Variants in COL4A5 observed in about 807,000 individuals in gnomAD.
COL4A5 encodes the protein collagen type IV alpha 5 chain.
COL4A5 carries 26 observed loss-of-function variants against 130.2 expected under a neutral mutation model. The observed-to-expected ratio is 0.20, with a 90% CI of 0.15 to 0.28. The LOEUF (loss-of-function observed/expected upper bound fraction) is 0.28. Ranked by LOEUF, COL4A5 falls within the 10% of genes least tolerant of loss-of-function variation. COL4A5 has a pLI of 1.00. For synonymous variants in COL4A5, 496 were observed against 439.6 expected (o/e 1.13, Z -1.60); for missense variants, 1,131 against 1,344.3 (o/e 0.84, Z 2.48).
chrX:108,607,173 C>G (rs1460204986), intron 29 of COL4A5, among the ~76,000 whole-genome samples: 1 of 109,829 alleles, frequency 9.1e-6, no homozygotes, highest in Admixed American at 9.7e-5. Context: ...TCAAGACCAT[C>G]CTGGCCAACA....
chrX:108,694,642 A>G, intron 50 of COL4A5, 165 bp from the exon 51 acceptor site: 1 of 492,972 alleles, frequency 2.0e-6, no homozygotes, highest in South Asian at 2.8e-5. Flanking sequence ...ACTGGGAGAC[A>G]ATACTTAGCA....
At chrX:108,611,900 A>G (rs1478777068) in intron 29 of COL4A5, among the ~76,000 whole-genome samples, 1 of 111,458 alleles carries the variant, frequency 9.0e-6, no homozygotes, top group Non-Finnish European at 1.9e-5. Flanking sequence ...AAAAATCCTC[A>G]AGAAAATATT....
chrX:108,500,054 C>T (rs776458723), intron 1 of COL4A5, among the ~76,000 whole-genome samples: 1 of 111,956 alleles, frequency 8.9e-6, no homozygotes, highest in South Asian at 3.7e-4. Context: ...CTTTCTTTCA[C>T]AGTTTTCAGT....
intron 16 of COL4A5, among the ~76,000 whole-genome samples, chrX:108,582,179 T>C (rs890735955): frequency 3.6e-5 from 4 of 111,638 alleles, no homozygotes; most frequent in Non-Finnish European, 7.5e-5. Context: ...ACTTACAATC[T>C]CTAGTTCAAA....
At chrX:108,598,555 A>G (rs2066563539) in intron 24 of COL4A5, 147 bp from the exon 25 acceptor site, 1 of 537,039 alleles carries the variant, frequency 1.9e-6, no homozygotes, top group African/African-American at 2.3e-5. Context: ...TGGAATGATC[A>G]CACATACCAT....
chrX:108,504,251 G>C (rs2065105277), intron 1 of COL4A5, among the ~76,000 whole-genome samples: 2 of 111,588 alleles, frequency 1.8e-5, no homozygotes, highest in African/African-American at 3.3e-5. Flanking sequence ...ATAGATTAAA[G>C]ACTTAAATTT....
intron 1 of COL4A5, among the ~76,000 whole-genome samples, chrX:108,452,677 T>C (rs1437364151): frequency 1.8e-5 from 2 of 112,214 alleles, no homozygotes; most frequent in East Asian, 2.8e-4. Flanking sequence ...ATTGATTTTG[T>C]ATCCTGAGAC....
intron 1 of COL4A5, among the ~76,000 whole-genome samples, chrX:108,530,851 A>G (rs1429864769): frequency 9.2e-6 from 1 of 108,857 alleles, no homozygotes; most frequent in East Asian, 2.9e-4. Context: ...CCATCATCCC[A>G]TTACTAGGTA....
intron 9 of COL4A5, 81 bp from the exon 10 acceptor site, chrX:108,575,829 C>T (rs756216830): frequency 2.9e-6 from 2 of 695,876 alleles, no homozygotes; most frequent in East Asian, 7.3e-5. Context: ...ACAAGTGAGA[C>T]TTTGTGTAAA....
intron 17 of COL4A5, among the ~76,000 whole-genome samples, chrX:108,583,570 C>T (rs1373214907): frequency 9.0e-6 from 1 of 111,242 alleles, no homozygotes; most frequent in Non-Finnish European, 1.9e-5. Flanking sequence ...TTTGGTTTTT[C>T]AGGCAAGGAA....
rs1185715300 is a variant in COL4A5, at chrX:108,623,452, T to C, written c.2917+627T>C. 6.3e-5 allele frequency among the ~76,000 whole-genome samples: 7 copies of C among 110,405 alleles called. No individual in the cohort carries two copies. In the East Asian group the frequency reaches 2.0e-3, roughly 31 times the overall value. On this transcript the variant is annotated intron_variant, in intron 33 of 52. Coordinates refer to ENST00000328300, the MANE Select transcript of COL4A5 (RefSeq NM_033380.3). ...TGGGGTTTTCAATAAAAAAAAAACC[T>C]TTTTTATAGAAGTATAACATGTTCA...
At chrX:108,480,613 C>T (rs2064879632) in intron 1 of COL4A5, among the ~76,000 whole-genome samples, 1 of 112,992 alleles carries the variant, frequency 8.9e-6, no homozygotes, top group Non-Finnish European at 1.9e-5. Flanking sequence ...GGGTGGGCCT[C>T]ATGCACAGGA....
At chrX:108,681,029 T>C in intron 46 of COL4A5, 73 bp downstream of exon 46, 1 of 968,617 alleles carries the variant, frequency 1.0e-6, no homozygotes, top group Non-Finnish European at 1.5e-6. Flanking sequence ...TTTCATTCTG[T>C]CTTTCAGCCA....
At chrX:108,571,600 C>A in intron 7 of COL4A5, 134 bp downstream of exon 7, 1 of 644,355 alleles carries the variant, frequency 1.6e-6, no homozygotes, top group South Asian at 2.5e-5. Context: ...GAAAATGTTT[C>A]AAAAAGAAGT....
rs780621623 is a variant in COL4A5, at chrX:108,626,408, C to A, written c.3246+59C>A. 10 of 1,184,985 alleles carry A rather than the reference C, an allele frequency of 8.4e-6. No individual in the cohort carries two copies. In the South Asian group the frequency reaches 1.6e-4, roughly 19 times the overall value. ...TGAGCAGATATGAAATTTTTTAATA[C>A]TATGCTCATTCCTAAGTTTTCATTA... On this transcript the variant is annotated intron_variant, in intron 36 of 52. Transcript: ENST00000328300.
intron 1 of COL4A5, among the ~76,000 whole-genome samples, chrX:108,497,042 C>G (rs1358849362): frequency 8.9e-6 from 1 of 111,903 alleles, no homozygotes; most frequent in East Asian, 2.8e-4. Context: ...TCCCCCAAAT[C>G]TTGGCAACCA....
chrX:108,545,188 T>C (rs933078167), intron 2 of COL4A5, among the ~76,000 whole-genome samples: 12 of 111,919 alleles, frequency 1.1e-4, no homozygotes, highest in African/African-American at 3.9e-4. Flanking sequence ...CTAGTTCTTT[T>C]AATTGTGATG....
chrX:108,629,230 G>A (rs2067207767), intron 36 of COL4A5, among the ~76,000 whole-genome samples: 1 of 111,463 alleles, frequency 9.0e-6, no homozygotes, highest in Non-Finnish European at 1.9e-5. Flanking sequence ...ATTATATAGT[G>A]CCTTATAGGT....
chrX:108,468,725 T>C (rs1489234625), intron 1 of COL4A5, among the ~76,000 whole-genome samples: 10 of 110,569 alleles, frequency 9.0e-5, no homozygotes, highest in Non-Finnish European at 1.9e-4. Flanking sequence ...GGTCATGGTT[T>C]ATAATTCTTT....
Sources: gnomAD v4.1 joint callset for allele counts (sites outside exome capture counted in the v4.1 genomes callset) on GRCh38, gnomAD v4.1.1 for gene constraint, MANE v1.5 for transcripts, NCBI Gene and HGNC (gene_info 2026-07-23, HGNC 2026-07-21) for gene names.